The following ERC1 variants were observed in gnomAD, a reference collection of about 807,000 sequenced individuals.
ERC1 encodes the protein RAB6 interacting protein 2.
In ERC1, 56 loss-of-function variants were observed where a neutral mutation model predicts 132.0. That is an observed-to-expected ratio of 0.42 (90% CI 0.34 to 0.53). The LOEUF is 0.53. Among genes scored for constraint, ERC1 ranks in the 20% least tolerant of loss-of-function variants. ERC1 has a pLI of 0.03. For synonymous variants in ERC1, 478 were observed against 476.1 expected (o/e 1.00, Z -0.05); for missense variants, 1,202 against 1,349.9 (o/e 0.89, Z 1.72).
At chr12:1,020,223 A>G (rs1966137569) in intron 1 of ERC1, among the ~76,000 whole-genome samples, 1 of 152,182 alleles carries the variant, frequency 6.6e-6, no homozygotes, top group African/African-American at 2.4e-5. Context: ...TTGAGAGACC[A>G]AGGCAGATGG....
chr12:1,239,677 C>G (rs1220972120), intron 13 of ERC1, among the ~76,000 whole-genome samples: 2 of 152,072 alleles, frequency 1.3e-5, no homozygotes, highest in African/African-American at 2.4e-5. Flanking sequence ...GTGATTGTGC[C>G]ACTATACTCC....
At chr12:1,101,648 G>A (rs1944671847) in intron 3 of ERC1, among the ~76,000 whole-genome samples, 2 of 152,326 alleles carry the variant, frequency 1.3e-5, no homozygotes, top group African/African-American at 2.4e-5. Context: ...TCTGTTGTGG[G>A]AGGTAGACTC....
chr12:1,362,373 G>A (rs897035233), intron 15 of ERC1, among the ~76,000 whole-genome samples: 4 of 152,014 alleles, frequency 2.6e-5, no homozygotes, highest in Admixed American at 1.3e-4. Flanking sequence ...CTTGGCACTC[G>A]CCAGCTCTGC....
intron 15 of ERC1, among the ~76,000 whole-genome samples, chr12:1,298,096 A>C (rs77064007): frequency 0.013 from 2,026 of 150,694 alleles, 37 homozygotes; most frequent in African/African-American, 0.047. Context: ...GGTCTCTAAC[A>C]AAAAAAAGAA....
intron 7 of ERC1, among the ~76,000 whole-genome samples, chr12:1,121,522 T>C (rs4315144): frequency 0.61 from 92,831 of 152,056 alleles, 30,929 homozygotes; most frequent in East Asian, 0.88. Flanking sequence ...TGTGACGAGA[T>C]TGTGAAAGAA....
At chr12:1,129,796 A>G (rs2154238194) in intron 7 of ERC1, among the ~76,000 whole-genome samples, 2 of 150,720 alleles carry the variant, frequency 1.3e-5, no homozygotes, top group Middle Eastern at 3.4e-3. Context: ...AACAACTGTT[A>G]AAAGATGTAT....
rs539838090 is a variant in ERC1 at position 1,025,452 on chromosome 12, T to G, written c.-156-2296T>G. On this transcript the variant is annotated intron_variant, in intron 1 of 18. Coordinates refer to ENST00000360905, the MANE Select transcript of ERC1 (RefSeq NM_178040.4). Reference sequence around the variant, plus strand: ...ATTTTATTTACAGCATTTTTTGGTATAATACTTTGTCATTTTGACATAATT... The same window carrying G: ...ATTTTATTTACAGCATTTTTTGGTAGAATACTTTGTCATTTTGACATAATT... Among the ~76,000 whole-genome samples, 21 of 152,352 alleles carry G rather than the reference T, an allele frequency of 1.4e-4. No individual in the cohort carries two copies. In the South Asian group the frequency reaches 3.9e-3, roughly 29 times the overall value.
chr12:1,440,372 T>A (rs1418087724), intron 17 of ERC1, among the ~76,000 whole-genome samples: 5 of 143,816 alleles, frequency 3.5e-5, no homozygotes, highest in African/African-American at 5.0e-5. Context: ...GCCCGGCTAA[T>A]TTTTTTTGTA....
chr12:1,376,131 C>G (rs948622731), intron 16 of ERC1, among the ~76,000 whole-genome samples: 3 of 152,328 alleles, frequency 2.0e-5, no homozygotes, highest in African/African-American at 7.2e-5. Context: ...CGTTCCACTC[C>G]TCTGAGGAAG....
At chr12:1,230,223 C>T (rs559041573) in intron 12 of ERC1, among the ~76,000 whole-genome samples, 33 of 151,994 alleles carry the variant, frequency 2.2e-4, no homozygotes, top group Admixed American at 5.9e-4. Flanking sequence ...AGTCTCAAAC[C>T]CCTGACCTCA....
chr12:1,383,003 AT>A (rs1160254472), intron 16 of ERC1, among the ~76,000 whole-genome samples: 4 of 152,064 alleles, frequency 2.6e-5, no homozygotes, highest in Non-Finnish European at 5.9e-5. Context: ...CATCTGTTGC[AT>A]TTTTTTGTCG....
intron 15 of ERC1, among the ~76,000 whole-genome samples, chr12:1,363,784 G>A (rs893843940): frequency 6.6e-6 from 1 of 151,988 alleles, no homozygotes; most frequent in Non-Finnish European, 1.5e-5. Context: ...TCGAACTCCT[G>A]GGCTCAAGTG....
At chr12:1,380,994 C>T (rs908460117) in intron 16 of ERC1, 4 of 152,216 alleles carry the variant, frequency 2.6e-5, no homozygotes, top group Non-Finnish European at 4.4e-5. Flanking sequence ...GATAATGAGG[C>T]CAGCCTCAGA....
At chr12:1,355,110 T>G (rs1182398229) in intron 15 of ERC1, among the ~76,000 whole-genome samples, 3 of 152,208 alleles carry the variant, frequency 2.0e-5, no homozygotes, top group African/African-American at 7.2e-5. Flanking sequence ...GTAAACTTAC[T>G]GGGCTCTGTG....
At chr12:1,458,416 A>G (rs1456167544) in intron 18 of ERC1, among the ~76,000 whole-genome samples, 1 of 152,130 alleles carries the variant, frequency 6.6e-6, no homozygotes, top group Non-Finnish European at 1.5e-5. Context: ...TTGTTTTTAG[A>G]GGTATTGATA....
chr12:1,232,374 A>T (rs1380358467), intron 12 of ERC1, among the ~76,000 whole-genome samples: 3 of 152,222 alleles, frequency 2.0e-5, no homozygotes, highest in Non-Finnish European at 4.4e-5. Context: ...CTCAGGCAAC[A>T]GACATTCATT....
intron 17 of ERC1, among the ~76,000 whole-genome samples, chr12:1,410,979 A>G (rs1037226926): frequency 7.2e-5 from 11 of 152,138 alleles, no homozygotes; most frequent in African/African-American, 2.7e-4. Flanking sequence ...GAGCTCTCAC[A>G]GTCAGCACCT....
intron 13 of ERC1, among the ~76,000 whole-genome samples, chr12:1,239,389 G>A (rs1214887124): frequency 1.3e-5 from 2 of 152,136 alleles, no homozygotes. Flanking sequence ...CAATCTGGGT[G>A]TTAGGGGTAC....
At chr12:1,050,694 A>G (rs771722047) in intron 2 of ERC1, among the ~76,000 whole-genome samples, 1 of 152,198 alleles carries the variant, frequency 6.6e-6, no homozygotes, top group East Asian at 1.9e-4. Flanking sequence ...CGTGGAAAAC[A>G]TTTGCCAAAA....
Sources: allele counts gnomAD v4.1 joint callset (sites outside exome capture counted in the v4.1 genomes callset), GRCh38; gene constraint gnomAD v4.1.1; transcripts MANE v1.5; gene names NCBI Gene and HGNC (gene_info 2026-07-23, HGNC 2026-07-21).